The following MTA3 variants were observed in gnomAD, a reference collection of about 807,000 sequenced individuals.
MTA3 encodes the protein metastasis-associated protein MTA3.
Under a neutral mutation model 83.5 loss-of-function variants are expected in MTA3, and 34 were observed. That is an observed-to-expected ratio of 0.41 (90% CI 0.31 to 0.54). MTA3 has a LOEUF of 0.54. Ranked by LOEUF, MTA3 falls within the 20% of genes least tolerant of loss-of-function variation. The probability of loss-of-function intolerance (pLI) is 0.33; values close to 1 mark genes in which losing one functional copy is unlikely to be tolerated. For synonymous variants in MTA3, 303 were observed against 252.7 expected (o/e 1.20, Z -1.89); for missense variants, 761 against 726.4 (o/e 1.05, Z -0.55).
upstream of MTA3, among the ~76,000 whole-genome samples, chr2:42,564,342 T>C (rs1016731775): frequency 6.6e-6 from 1 of 152,166 alleles, no homozygotes; most frequent in African/African-American, 2.4e-5. Context: ...CGAAAACACA[T>C]ACTGCCCGAA....
chr2:42,550,295 A>C (rs553776581), intron 2 of MTA3, among the ~76,000 whole-genome samples: 4 of 152,168 alleles, frequency 2.6e-5, no homozygotes, highest in Non-Finnish European at 5.9e-5. Context: ...AAAAGCATTA[A>C]ATTTGTGGGT....
At position 42,755,015 on chromosome 2, in the gene MTA3, G is replaced by A. The variant is rs1203393129; in HGVS notation, c.*1616G>A. ...GAGCTGTGCTGGGTCTTGGCTTGGG[G>A]CGCTGAGGGTGGGGCCTGTGTCAGA... On this transcript the variant is annotated 3_prime_UTR_variant, in exon 17 of 17. Coordinates refer to ENST00000405094, the MANE Select transcript of MTA3 (RefSeq NM_001330442.2). 2 of 985,662 alleles carry A rather than the reference G, an allele frequency of 2.0e-6. No individual in the cohort carries two copies. Among genetic ancestry groups the A allele is most frequent in the Non-Finnish European group, 2.4e-6 (2 of 830,148 alleles). 61.1% of individuals were successfully genotyped at this position (985,662 alleles called of 1,614,324 possible).
intron 2 of MTA3, among the ~76,000 whole-genome samples, chr2:42,502,144 G>A (rs530453581): frequency 6.6e-6 from 1 of 151,602 alleles, no homozygotes; most frequent in East Asian, 2.0e-4. Flanking sequence ...ACATCTCAAA[G>A]TGGGGGTGTT....
intron 2 of MTA3, among the ~76,000 whole-genome samples, chr2:42,512,487 C>G: frequency 6.6e-6 from 1 of 152,130 alleles, no homozygotes; most frequent in East Asian, 1.9e-4. Flanking sequence ...TAGGATTTTT[C>G]CTTTCCAGAG....
intron 2 of MTA3, among the ~76,000 whole-genome samples, chr2:42,556,513 G>A (rs139801972): frequency 6.6e-6 from 1 of 152,164 alleles, no homozygotes; most frequent in African/African-American, 2.4e-5. Context: ...GAGCCATGCT[G>A]ACACCAGCAT....
chr2:42,594,140 T>A (rs1330023332), intron 3 of MTA3, among the ~76,000 whole-genome samples: 1 of 150,254 alleles, frequency 6.7e-6, no homozygotes, highest in East Asian at 2.0e-4. Flanking sequence ...TTAGTAGAGG[T>A]GGGATTTCAC....
intron 2 of MTA3, among the ~76,000 whole-genome samples, chr2:42,526,264 T>G (rs2103707926): frequency 6.8e-6 from 1 of 147,868 alleles, no homozygotes; most frequent in African/African-American, 2.5e-5. Flanking sequence ...AGGGTCTCAC[T>G]ACGTTGCCCA....
In MTA3 at chr2:42,556,853, G is replaced by A. The variant is rs111735007; in HGVS notation, c.-140-13584G>A. ...TCTGACCTCATGGGGAGACTTCAGG[G>A]CCCGTTAGAAAAGGTCTGACTTAGG... On this transcript the variant is annotated intron_variant, in intron 2 of 17. Transcript: ENST00000405592. Among the ~76,000 whole-genome samples, 141 of 152,242 alleles carry A rather than the reference G, an allele frequency of 9.3e-4. 2 individuals are homozygous for A. Among genetic ancestry groups the A allele is most frequent in the African/African-American group, 3.2e-3 (135 of 41,546 alleles).
chr2:42,750,363 A>G (rs6544593), intron 16 of MTA3, among the ~76,000 whole-genome samples: 52,504 of 151,130 alleles, frequency 0.35, 9,482 homozygotes, highest in East Asian at 0.63. Context: ...TCTGTTGATT[A>G]TGTGTTATTT....
chr2:42,545,107 G>A (rs939747372), intron 2 of MTA3, among the ~76,000 whole-genome samples: 11 of 152,174 alleles, frequency 7.2e-5, no homozygotes, highest in Admixed American at 7.2e-4. Context: ...ACCAGGCGTG[G>A]TTGCTCATGC....
At chr2:42,697,190 C>A (rs6720343) in intron 10 of MTA3, among the ~76,000 whole-genome samples, 96,613 of 152,062 alleles carry the variant, frequency 0.64, 31,426 homozygotes, top group South Asian at 0.78. Flanking sequence ...TCTCCTTCCC[C>A]TTCCTTTCCC....
At chr2:42,712,950 A>G (rs940359127) in intron 14 of MTA3, 1 of 152,126 alleles carries the variant, frequency 6.6e-6, no homozygotes. Context: ...TGTTATTGTC[A>G]TCAGACGTTA....
chr2:42,719,210 G>C (rs1031525417), intron 15 of MTA3, 136 bp downstream of exon 15: 6 of 603,388 alleles, frequency 9.9e-6, no homozygotes, highest in Non-Finnish European at 1.5e-5. Context: ...TATATAGTCA[G>C]TTTATTTTGT....
chr2:42,640,499 A>G (rs1687608592), intron 5 of MTA3, among the ~76,000 whole-genome samples: 1 of 152,210 alleles, frequency 6.6e-6, no homozygotes, highest in Non-Finnish European at 1.5e-5. Flanking sequence ...AGTTGATAGT[A>G]GATGAATATT....
At chr2:42,538,796 C>G (rs1307703496) in intron 2 of MTA3, among the ~76,000 whole-genome samples, 2 of 130,578 alleles carry the variant, frequency 1.5e-5, no homozygotes, top group South Asian at 5.2e-4. Flanking sequence ...GAGACGGAGT[C>G]TCGCCTTGTC....
chr2:42,591,744 A>G (rs1239607858), intron 3 of MTA3, among the ~76,000 whole-genome samples: 4 of 151,984 alleles, frequency 2.6e-5, no homozygotes, highest in Non-Finnish European at 5.9e-5. Flanking sequence ...TCCGCCTTCC[A>G]GGTTCAAGCA....
At chr2:42,580,273 G>GCC (rs1383987772) in intron 3 of MTA3, among the ~76,000 whole-genome samples, 2 of 151,954 alleles carry the variant, frequency 1.3e-5, no homozygotes, top group Non-Finnish European at 2.9e-5. Flanking sequence ...GAGCCACCAT[G>GCC]CCCAGCCACA....
intron 3 of MTA3, among the ~76,000 whole-genome samples, chr2:42,599,349 C>G (rs775196387): frequency 4.1e-4 from 62 of 152,272 alleles, no homozygotes; most frequent in Non-Finnish European, 2.6e-4. Flanking sequence ...AATCCCAGCA[C>G]TTTGGGAGGC....
In MTA3 at chr2:42,570,954, G is replaced by A. The variant is rs969963911; in HGVS notation, c.96+450G>A. Among the ~76,000 whole-genome samples, 3 of 151,718 alleles carry A rather than the reference G, an allele frequency of 2.0e-5. No individual in the cohort carries two copies. The South Asian group carries it at 6.2e-4, about 32-fold the overall frequency. On this transcript the variant is annotated intron_variant, in intron 2 of 16. Transcript: ENST00000405094. Reference sequence around the variant, plus strand: ...CTTGAACCCGGGAGGCGGAGGTTGCGGTGAGCCAAGATTGTGCAATTGCAC... The same window carrying A: ...CTTGAACCCGGGAGGCGGAGGTTGCAGTGAGCCAAGATTGTGCAATTGCAC...
Sources: gnomAD v4.1 joint callset for allele counts (sites outside exome capture counted in the v4.1 genomes callset) on GRCh38, gnomAD v4.1.1 for gene constraint, MANE v1.5 for transcripts, NCBI Gene and HGNC (gene_info 2026-07-23, HGNC 2026-07-21) for gene names.